Variants in SYNPO observed in about 807,000 individuals in gnomAD.
SYNPO encodes the protein synaptopodin.
In SYNPO, 19 loss-of-function variants were observed where a neutral mutation model predicts 49.5. The observed-to-expected ratio is 0.38, with a 90% confidence interval of 0.27 to 0.56. The LOEUF is 0.56. Ranked by LOEUF, SYNPO falls within the 20% of genes least tolerant of loss-of-function variation. The pLI, the probability that SYNPO is intolerant of heterozygous loss-of-function variation, is 0.68. For synonymous variants in SYNPO, 536 were observed against 548.0 expected (o/e 0.98, Z 0.31); for missense variants, 1,131 against 1,248.3 (o/e 0.91, Z 1.42).
At chr5:150,593,282 A>G in the SYNPO span, among the ~76,000 whole-genome samples, 1 of 152,146 alleles carries the variant, frequency 6.6e-6, no homozygotes, top group Admixed American at 6.5e-5. Flanking sequence ...AGCCAGGACA[A>G]GGAGGAAAGC....
At chr5:150,599,461 G>T (rs1034137070), upstream of SYNPO, among the ~76,000 whole-genome samples, 1 of 152,192 alleles carries the variant, frequency 6.6e-6, no homozygotes, top group Non-Finnish European at 1.5e-5. Flanking sequence ...CCAATGCTGG[G>T]GCCAAGTACT....
chr5:150,602,000 A>G (rs1452990554), intron 1 of SYNPO, among the ~76,000 whole-genome samples: 1 of 152,192 alleles, frequency 6.6e-6, no homozygotes, highest in African/African-American at 2.4e-5. Flanking sequence ...GGCAGGTGAG[A>G]AAACCTAGCC....
chr5:150,647,104 A>G (rs373477393), intron 1 of SYNPO, among the ~76,000 whole-genome samples: 92 of 152,242 alleles, frequency 6.0e-4, no homozygotes, highest in African/African-American at 2.1e-3. Flanking sequence ...TTAGCCGGGC[A>G]TGGTGGCACA....
upstream of SYNPO, among the ~76,000 whole-genome samples, chr5:150,599,221 A>C (rs1183605364): frequency 2.6e-5 from 4 of 152,360 alleles, no homozygotes; most frequent in East Asian, 7.7e-4. Flanking sequence ...CTCACAGTTG[A>C]GTGAAACGAC....
chr5:150,611,521 G>C (rs374097759), intron 1 of SYNPO, among the ~76,000 whole-genome samples: 1 of 152,178 alleles, frequency 6.6e-6, no homozygotes, highest in Non-Finnish European at 1.5e-5. Flanking sequence ...CTCGTGCCAA[G>C]GGCTGGTTTC....
intron 2 of SYNPO, chr5:150,651,414 G>C (rs952337856): frequency 2.0e-6 from 2 of 1,000,378 alleles, no homozygotes; most frequent in Non-Finnish European, 2.4e-6. Context: ...TGTGAGGATT[G>C]AGAGGATAGG....
chr5:150,616,992 T>C (rs139801603), intron 1 of SYNPO, among the ~76,000 whole-genome samples: 2 of 152,320 alleles, frequency 1.3e-5, no homozygotes, highest in East Asian at 3.9e-4. Context: ...CCCTCTGCTA[T>C]ATCCCCAGTA....
upstream of SYNPO, among the ~76,000 whole-genome samples, chr5:150,596,878 C>T (rs1238071049): frequency 2.0e-5 from 3 of 152,206 alleles, no homozygotes; most frequent in African/African-American, 4.8e-5. Flanking sequence ...TTCACACCCA[C>T]GGGCCCCATC....
In SYNPO at chr5:150,643,768, C is replaced by T. The variant is rs568899333; in HGVS notation, c.-333+2914C>T. ...CAGGCTGGTCTCGAACTCCTGACCT[C>T]GTGATCCACCTGCCTTGGCCCCCCA... On this transcript the variant is annotated intron_variant, in intron 1 of 2. Coordinates refer to ENST00000307662, the MANE Select transcript of SYNPO (RefSeq NM_007286.6). Among the ~76,000 whole-genome samples, 7 of 152,162 alleles carry T rather than the reference C, an allele frequency of 4.6e-5. No individual in the cohort carries two copies. In the South Asian group the frequency reaches 6.2e-4, roughly 14 times the overall value.
intron 1 of SYNPO, among the ~76,000 whole-genome samples, chr5:150,646,175 CAAA>C (rs34260941): frequency 7.6e-6 from 1 of 131,644 alleles, no homozygotes. Context: ...ACAAAAAATA[CAAA>C]AAAAAAAAAA....
chr5:150,605,876 CACAG>C (rs777630266), intron 1 of SYNPO, among the ~76,000 whole-genome samples: 2 of 152,066 alleles, frequency 1.3e-5, no homozygotes, highest in Non-Finnish European at 2.9e-5. Context: ...CACAAATACA[CACAG>C]ACAGATATAC....
At chr5:150,612,561 C>T (rs1424608652) in intron 1 of SYNPO, among the ~76,000 whole-genome samples, 2 of 152,274 alleles carry the variant, frequency 1.3e-5, no homozygotes, top group Middle Eastern at 3.4e-3. Context: ...GGATGTGAAC[C>T]TTGACTCAAT....
chr5:150,628,030 GTGTTTC>G (rs1351931542), intron 2 of SYNPO, among the ~76,000 whole-genome samples: 2 of 123,556 alleles, frequency 1.6e-5, no homozygotes, highest in African/African-American at 3.3e-5. Flanking sequence ...CTGTGTGTGT[GTGTTTC>G]TGTGTGTGTG....
chr5:150,620,922 T>TTTCTTTCC (rs1303440138), intron 2 of SYNPO, among the ~76,000 whole-genome samples: 39 of 142,092 alleles, frequency 2.7e-4, no homozygotes, highest in African/African-American at 9.1e-4. Context: ...TCTTTCTTTC[T>TTTCTTTCC]TTCTTTCTTT....
the SYNPO span, among the ~76,000 whole-genome samples, chr5:150,592,276 G>A: frequency 6.6e-6 from 1 of 152,300 alleles, no homozygotes; most frequent in South Asian, 2.1e-4. Context: ...CCTAAATATT[G>A]CGGAGGCCCT....
intron 2 of SYNPO, among the ~76,000 whole-genome samples, chr5:150,620,997 G>A (rs11747743): frequency 1.5e-4 from 20 of 136,050 alleles, no homozygotes; most frequent in African/African-American, 5.5e-4. Flanking sequence ...CTGTCGCCCA[G>A]GCTGGAGTGC....
intron 2 of SYNPO, among the ~76,000 whole-genome samples, chr5:150,623,883 C>T (rs2151376744): frequency 6.6e-6 from 1 of 152,356 alleles, no homozygotes; most frequent in East Asian, 1.9e-4. Context: ...AGCATTTCTC[C>T]AACCGTGGTT....
chr5:150,593,087 A>G, the SYNPO span, among the ~76,000 whole-genome samples: 1 of 152,316 alleles, frequency 6.6e-6, no homozygotes, highest in Non-Finnish European at 1.5e-5. Flanking sequence ...TTGGTAGCCC[A>G]CTGGAGTCTG....
At position 150,656,450 on chromosome 5, in the gene SYNPO, C is replaced by T; in HGVS notation, c.2075C>T (p.Ala692Val). 4 of 1,532,132 alleles carry T rather than the reference C, an allele frequency of 2.6e-6. No homozygotes were observed. Among genetic ancestry groups the T allele is most frequent in the Non-Finnish European group, 3.5e-6 (4 of 1,145,346 alleles). 94.9% of individuals were successfully genotyped at this position (1,532,132 alleles called of 1,614,324 possible). A position where few individuals can be genotyped will look rare whatever the true frequency, so the allele number is the denominator to read the frequency against. ...ACCTCCCCACCCTGGACGCCGGGCGCGTCCCGGCCCCCCAGCAGCCTAGAC... is the reference window on the plus strand; with the variant it reads ...ACCTCCCCACCCTGGACGCCGGGCGTGTCCCGGCCCCCCAGCAGCCTAGAC... Reference protein sequence around the residue: ...LPTSPPWTPGASRPPSSLDGW... With the variant: ...LPTSPPWTPGVSRPPSSLDGW... The change falls in exon 3 of 3, where the codon GCG (alanine) becomes GTG (valine). Residue 692 changes from alanine (A) to valine (V), a missense_variant. Coordinates refer to ENST00000307662, the MANE Select transcript of SYNPO (RefSeq NM_007286.6).
Sources: gnomAD v4.1 joint callset for allele counts (sites outside exome capture counted in the v4.1 genomes callset) on GRCh38, gnomAD v4.1.1 for gene constraint, MANE v1.5 for transcripts, NCBI Gene and HGNC (gene_info 2026-07-23, HGNC 2026-07-21) for gene names.